EDIL3: variants seen among roughly 807,000 people sequenced by gnomAD.
EDIL3 encodes EGF like and discoidin domains 3, also known as EGF-like repeat and discoidin I-like domain-containing protein 3.
Under a neutral mutation model 67.4 loss-of-function variants are expected in EDIL3, and 37 were observed. The observed-to-expected ratio is 0.55, with a 90% CI of 0.42 to 0.72. The LOEUF (loss-of-function observed/expected upper bound fraction) is 0.72. EDIL3 is among the 30% of genes least tolerant of loss of function. The probability of loss-of-function intolerance (pLI) is 0.00; values close to 1 mark genes in which losing one functional copy is unlikely to be tolerated. For synonymous variants in EDIL3, 195 were observed against 196.3 expected, an observed-to-expected ratio of 0.99 and a Z score of 0.05; for missense variants, 527 against 586.3, an observed-to-expected ratio of 0.90 and a Z score of 1.04.
At position 84,354,554 on chromosome 5, in the gene EDIL3, AG is replaced by A. The variant is rs543948291; in HGVS notation, c.67+29753del. Among the ~76,000 whole-genome samples the A allele has an allele frequency of 2.9e-3, 440 of 151,728 alleles. 8 individuals are homozygous for A. The highest frequency in any genetic ancestry group is 1.2e-3 in the Non-Finnish European group (84 of 67,906). ...TGCCTGTAATACCAGCTACTCGGGA[AG>A]CTGAGGCAGGAGAATTGCTTGAACC... is the stretch of plus-strand genomic sequence containing the variant. On this transcript the variant is annotated intron_variant, in intron 1 of 10. Transcript: ENST00000296591.
At chr5:84,290,692 T>C (rs1033662466) in intron 1 of EDIL3, among the ~76,000 whole-genome samples, 3 of 152,210 alleles carry the variant, frequency 2.0e-5, no homozygotes, top group Non-Finnish European at 4.4e-5. Context: ...TAGTTACTTA[T>C]CCACTATCAC....
intron 9 of EDIL3, among the ~76,000 whole-genome samples, chr5:83,973,690 T>C (rs1041549881): frequency 2.0e-5 from 3 of 152,040 alleles, no homozygotes; most frequent in African/African-American, 7.2e-5. Flanking sequence ...TGTAAAGCCA[T>C]TATATAAAGA....
chr5:84,338,740 T>C (rs1747038166), intron 1 of EDIL3, among the ~76,000 whole-genome samples: 1 of 152,106 alleles, frequency 6.6e-6, no homozygotes, highest in Admixed American at 6.6e-5. Context: ...TACAATCCAC[T>C]GAAACCTTTT....
chr5:83,959,782 G>A (rs1744575417), intron 10 of EDIL3, among the ~76,000 whole-genome samples: 1 of 150,808 alleles, frequency 6.6e-6, no homozygotes, highest in Admixed American at 6.6e-5. Flanking sequence ...TATAAAGGAT[G>A]TATGAAATGA....
At chr5:84,153,428 G>A (rs1748433657) in intron 4 of EDIL3, among the ~76,000 whole-genome samples, 1 of 151,798 alleles carries the variant, frequency 6.6e-6, no homozygotes, top group Admixed American at 6.6e-5. Context: ...TGAGTAGCTG[G>A]GACTACAGGC....
intron 1 of EDIL3, among the ~76,000 whole-genome samples, chr5:84,304,235 A>G (rs898198456): frequency 6.6e-6 from 1 of 152,198 alleles, no homozygotes; most frequent in African/African-American, 2.4e-5. Context: ...AACTGGTAAC[A>G]AAATCTCTGG....
At chr5:84,067,868 A>G (rs1195284784) in intron 6 of EDIL3, among the ~76,000 whole-genome samples, 3 of 152,174 alleles carry the variant, frequency 2.0e-5, no homozygotes, top group African/African-American at 7.2e-5. Context: ...TTTTGTGTTA[A>G]AATTCTGGGC....
At chr5:84,171,079 G>A (rs550348593) in intron 4 of EDIL3, among the ~76,000 whole-genome samples, 167 of 152,204 alleles carry the variant, frequency 1.1e-3, no homozygotes, top group African/African-American at 3.7e-3. Flanking sequence ...ATAGCTGTGA[G>A]CCACCGCACC....
intron 1 of EDIL3, among the ~76,000 whole-genome samples, chr5:84,319,180 T>C (rs1289257030): frequency 1.5e-5 from 2 of 129,468 alleles, no homozygotes; most frequent in Non-Finnish European, 3.5e-5. Flanking sequence ...TGTGAAGAAA[T>C]AGGAATGCTT....
At chr5:84,037,225 C>T (rs528422775) in intron 9 of EDIL3, among the ~76,000 whole-genome samples, 1 of 152,326 alleles carries the variant, frequency 6.6e-6, no homozygotes, top group Non-Finnish European at 1.5e-5. Context: ...TTTCTCCCTA[C>T]TCAGCTACTA....
intron 2 of EDIL3, among the ~76,000 whole-genome samples, chr5:84,251,544 C>T (rs1489932406): frequency 2.0e-5 from 3 of 151,704 alleles, no homozygotes; most frequent in Non-Finnish European, 4.4e-5. Context: ...GGCATTACTA[C>T]CAAGTATTAC....
intron 5 of EDIL3, among the ~76,000 whole-genome samples, chr5:84,132,064 C>T (rs926099452): frequency 6.7e-6 from 1 of 150,228 alleles, no homozygotes; most frequent in African/African-American, 2.5e-5. Flanking sequence ...GAAACCCCGT[C>T]TCTACTAAAA....
At chr5:84,192,351 T>G (rs568512048) in intron 3 of EDIL3, among the ~76,000 whole-genome samples, 1 of 152,006 alleles carries the variant, frequency 6.6e-6, no homozygotes. Flanking sequence ...ATGTCTTCAG[T>G]GTTACCTCCC....
At chr5:84,047,580 G>A (rs1746246084) in intron 9 of EDIL3, 1 of 152,018 alleles carries the variant, frequency 6.6e-6, no homozygotes, top group African/African-American at 2.4e-5. Context: ...ATTAGCTGGT[G>A]TCTTGATAAT....
chr5:84,244,320 T>G (rs780183998), intron 2 of EDIL3, among the ~76,000 whole-genome samples: 12 of 152,180 alleles, frequency 7.9e-5, no homozygotes, highest in Non-Finnish European at 1.6e-4. Context: ...CTCTCTCTTT[T>G]GCCAGGTTGG....
At chr5:84,374,231 C>T (rs1258833416) in intron 1 of EDIL3, among the ~76,000 whole-genome samples, 1 of 148,516 alleles carries the variant, frequency 6.7e-6, no homozygotes, top group African/African-American at 2.5e-5. Context: ...AAAAGCACAA[C>T]TATAATTACC....
intron 3 of EDIL3, among the ~76,000 whole-genome samples, chr5:84,194,133 C>A (rs908188938): frequency 4.6e-5 from 7 of 151,938 alleles, no homozygotes; most frequent in East Asian, 1.9e-4. Flanking sequence ...GAATGAAATA[C>A]GTGATATTTG....
At chr5:84,277,802 T>A (rs1423362068) in intron 1 of EDIL3, among the ~76,000 whole-genome samples, 1 of 152,214 alleles carries the variant, frequency 6.6e-6, no homozygotes, top group Non-Finnish European at 1.5e-5. Flanking sequence ...TTGATTTTTT[T>A]AATGTAGAAA....
intron 3 of EDIL3, among the ~76,000 whole-genome samples, chr5:84,220,763 A>C (rs561838323): frequency 6.6e-6 from 1 of 152,302 alleles, no homozygotes; most frequent in Admixed American, 6.5e-5. Context: ...TGAGTTTTTC[A>C]ACAAAAACAG....
Sources: allele counts gnomAD v4.1 joint callset (sites outside exome capture counted in the v4.1 genomes callset), GRCh38; gene constraint gnomAD v4.1.1; transcripts MANE v1.5; gene names NCBI Gene and HGNC (gene_info 2026-07-23, HGNC 2026-07-21).